Variants in EPB41L4A observed in about 807,000 individuals in gnomAD.
EPB41L4A encodes the protein erythrocyte membrane protein band 4.1 like 4A, also known as band 4.1-like protein 4A.
EPB41L4A carries 100 observed loss-of-function variants against 108.6 expected under a neutral mutation model. The ratio of observed to expected loss-of-function variants is 0.92; its 90% CI spans 0.78 to 1.09. The LOEUF is 1.09. Among genes scored for constraint, EPB41L4A ranks in the 50% least tolerant of loss-of-function variants. The pLI is 0.00. For synonymous variants in EPB41L4A, 319 were observed against 289.0 expected, an observed-to-expected ratio of 1.10 and a Z score of -1.05; for missense variants, 1,030 against 842.7, an observed-to-expected ratio of 1.22 and a Z score of -2.75.
At chr5:112,146,462 T>C (rs1192012286) in intron 12 of EPB41L4A, among the ~76,000 whole-genome samples, 1 of 152,178 alleles carries the variant, frequency 6.6e-6, no homozygotes, top group African/African-American at 2.4e-5. Flanking sequence ...CCAACGCTGT[T>C]TGCGCTCCCC....
At chr5:112,153,114 G>A (rs1426537449) in intron 12 of EPB41L4A, among the ~76,000 whole-genome samples, 1 of 152,086 alleles carries the variant, frequency 6.6e-6, no homozygotes, top group African/African-American at 2.4e-5. Context: ...AGCTACTGAG[G>A]AGGCTGAGAT....
At chr5:112,312,199 G>T (rs1371270959) in intron 1 of EPB41L4A, among the ~76,000 whole-genome samples, 2 of 151,912 alleles carry the variant, frequency 1.3e-5, no homozygotes, top group African/African-American at 4.8e-5. Flanking sequence ...AACCAGCTCG[G>T]GAGTTTACAA....
In EPB41L4A at chr5:112,184,903, G is replaced by C. The variant is rs557977298; in HGVS notation, c.1503-768C>G. Among the ~76,000 whole-genome samples, 7 of 152,230 alleles carry C rather than the reference G, an allele frequency of 4.6e-5. No individual in the cohort carries two copies. In the South Asian group the frequency reaches 1.5e-3, roughly 32 times the overall value. ...TAAAGTGAACTCTTCTAATTTTTAAGTCTTGCAACCAATTCTAAAGCATGA... is the reference window on the plus strand; with the variant it reads ...TAAAGTGAACTCTTCTAATTTTTAACTCTTGCAACCAATTCTAAAGCATGA... On this transcript the variant is annotated intron_variant, in intron 17 of 22. Coordinates refer to ENST00000261486, the MANE Select transcript of EPB41L4A (RefSeq NM_022140.5).
intron 12 of EPB41L4A, among the ~76,000 whole-genome samples, chr5:112,210,300 A>G (rs866313026): frequency 1.3e-5 from 2 of 152,320 alleles, no homozygotes; most frequent in African/African-American, 4.8e-5. Context: ...GATATTTAGT[A>G]CCATATATTA....
intron 2 of EPB41L4A, among the ~76,000 whole-genome samples, chr5:112,282,590 G>C (rs943687930): frequency 3.9e-5 from 6 of 152,158 alleles, no homozygotes; most frequent in African/African-American, 7.2e-5. Context: ...GGTTGGTTAG[G>C]GGACCGTATT....
chr5:112,209,522 G>C (rs1196233959), intron 13 of EPB41L4A, among the ~76,000 whole-genome samples: 1 of 152,158 alleles, frequency 6.6e-6, no homozygotes, highest in Non-Finnish European at 1.5e-5. Context: ...CCACTATAAT[G>C]AACACAGTAC....
At chr5:112,419,542 G>A (rs1438161199), upstream of EPB41L4A, 1 of 427,576 alleles carries the variant, frequency 2.3e-6, no homozygotes, top group Non-Finnish European at 4.7e-6. Context: ...GTCCCCCGCG[G>A]GCGCGCACTT....
chr5:112,337,640 AC>A (rs1757006688), intron 1 of EPB41L4A, among the ~76,000 whole-genome samples: 2 of 152,126 alleles, frequency 1.3e-5, no homozygotes, highest in South Asian at 2.1e-4. Flanking sequence ...TCCCTGCTAC[AC>A]CATATACAAG....
At chr5:112,179,151 C>T (rs1431462022) in intron 18 of EPB41L4A, among the ~76,000 whole-genome samples, 1 of 151,908 alleles carries the variant, frequency 6.6e-6, no homozygotes, top group East Asian at 1.9e-4. Context: ...AAAACTTACA[C>T]ATAAGTATAA....
At chr5:112,215,774 A>AC in intron 12 of EPB41L4A, among the ~76,000 whole-genome samples, 1 of 147,428 alleles carries the variant, frequency 6.8e-6, no homozygotes, top group African/African-American at 2.5e-5. Context: ...AAAAAAAAAA[A>AC]AAACAAAAAA....
rs5870486 is a variant in EPB41L4A, at chr5:112,164,831, CAAA to C, written c.*156_*158del. 6.6e-3 allele frequency: 3,195 copies of C among 487,096 alleles called. No homozygotes were observed. Among genetic ancestry groups the C allele is most frequent in the South Asian group, 9.7e-3 (257 of 26,406 alleles). The allele number at this position is 487,096 out of a possible 1,614,324, so 30.2% of individuals were successfully genotyped here. ...CCTGGGCGACAGAGTGATAACATCTCAAAAAAAAAAAAAAAAAGAAGCAAAAGA... is the reference window on the plus strand; with the variant it reads ...CCTGGGCGACAGAGTGATAACATCTCAAAAAAAAAAAAAAGAAGCAAAAGA... On this transcript the variant is annotated 3_prime_UTR_variant, in exon 23 of 23. Transcript: ENST00000261486.
intron 1 of EPB41L4A, among the ~76,000 whole-genome samples, chr5:112,405,508 T>A (rs1762027174): frequency 6.6e-6 from 1 of 152,214 alleles, no homozygotes; most frequent in Non-Finnish European, 1.5e-5. Flanking sequence ...ATAAGGCTAC[T>A]TAGAGTCTCT....
chr5:112,175,598 T>C (rs573886583), intron 18 of EPB41L4A: 115 of 152,236 alleles, frequency 7.6e-4, no homozygotes, highest in African/African-American at 2.7e-3. Flanking sequence ...TTTAAGAATA[T>C]GGGAGTAATG....
At chr5:112,308,225 C>T (rs540027716) in intron 1 of EPB41L4A, among the ~76,000 whole-genome samples, 3 of 152,224 alleles carry the variant, frequency 2.0e-5, no homozygotes, top group East Asian at 3.9e-4. Flanking sequence ...TAGATACAGC[C>T]TCTTCCTTTC....
intron 10 of EPB41L4A, among the ~76,000 whole-genome samples, chr5:112,240,222 G>A (rs1749668915): frequency 6.6e-6 from 1 of 152,098 alleles, no homozygotes; most frequent in African/African-American, 2.4e-5. Context: ...TCAGTCCTTG[G>A]AGTTCTGCTT....
At chr5:112,189,207 G>T (rs1042366060) in intron 17 of EPB41L4A, among the ~76,000 whole-genome samples, 1 of 152,204 alleles carries the variant, frequency 6.6e-6, no homozygotes, top group Non-Finnish European at 1.5e-5. Flanking sequence ...CCATTTTACA[G>T]ATCCTGCAGG....
chr5:112,377,215 G>GAAAAAA (rs576720562), intron 1 of EPB41L4A, among the ~76,000 whole-genome samples: 2 of 101,716 alleles, frequency 2.0e-5, no homozygotes, highest in Non-Finnish European at 2.2e-5. Flanking sequence ...CTGTTTGTTT[G>GAAAAAA]AAAAAAAAAA....
intron 1 of EPB41L4A, among the ~76,000 whole-genome samples, chr5:112,395,787 T>C (rs1489831585): frequency 1.3e-5 from 2 of 152,130 alleles, no homozygotes; most frequent in African/African-American, 2.4e-5. Flanking sequence ...TATGAAGACT[T>C]ATGCACACTT....
intron 1 of EPB41L4A, among the ~76,000 whole-genome samples, chr5:112,356,054 T>G (rs1226023365): frequency 6.6e-6 from 1 of 152,202 alleles, no homozygotes. Context: ...GTTACTTGAC[T>G]GATTACTTGA....
Sources: allele counts gnomAD v4.1 joint callset (sites outside exome capture counted in the v4.1 genomes callset), GRCh38; gene constraint gnomAD v4.1.1; transcripts MANE v1.5; gene names NCBI Gene and HGNC (gene_info 2026-07-23, HGNC 2026-07-21).